Variants in CELF2 observed in about 807,000 individuals in gnomAD.
CELF2 encodes the protein CUG triplet repeat RNA-binding protein 2.
A neutral mutation model predicts 62.6 loss-of-function variants in CELF2; 8 were observed. The ratio of observed to expected loss-of-function variants is 0.13; its 90% CI spans 0.07 to 0.23. The LOEUF is 0.23. Among genes scored for constraint, CELF2 ranks in the 10% least tolerant of loss-of-function variants. CELF2 has a pLI of 1.00. For missense variants in CELF2, 333 were observed against 671.0 expected (o/e 0.50, Z 5.56); for synonymous variants, 258 against 250.0 (o/e 1.03, Z -0.30).
intron 1 of CELF2, among the ~76,000 whole-genome samples, chr10:10,846,772 G>A (rs1367792951): frequency 2.0e-5 from 3 of 152,186 alleles, no homozygotes; most frequent in Non-Finnish European, 4.4e-5. Flanking sequence ...TCTTGAAATC[G>A]AGGTCCATTT....
the CELF2 span, among the ~76,000 whole-genome samples, chr10:10,740,385 C>A: frequency 6.6e-6 from 1 of 152,038 alleles, no homozygotes; most frequent in Non-Finnish European, 1.5e-5. Flanking sequence ...GACTATCCCT[C>A]ACTCAAAAAG....
the CELF2 span, among the ~76,000 whole-genome samples, chr10:10,516,295 T>G: frequency 1.3e-5 from 2 of 152,188 alleles, no homozygotes; most frequent in Non-Finnish European, 2.9e-5. Flanking sequence ...ATTATTTAAA[T>G]CTGAATTCCA....
intron 1 of CELF2, among the ~76,000 whole-genome samples, chr10:11,107,138 T>G (rs2053719093): frequency 6.6e-6 from 1 of 152,228 alleles, no homozygotes; most frequent in African/African-American, 2.4e-5. Context: ...GCTGCCTACC[T>G]AGCTGTCCCC....
chr10:10,694,328 G>T, the CELF2 span, among the ~76,000 whole-genome samples: 5 of 151,208 alleles, frequency 3.3e-5, no homozygotes, highest in Non-Finnish European at 7.4e-5. Context: ...GGTTTTGAGT[G>T]AGATTCTTAA....
intron 1 of CELF2, among the ~76,000 whole-genome samples, chr10:10,882,076 A>G (rs1018509028): frequency 1.3e-5 from 2 of 152,204 alleles, no homozygotes; most frequent in Non-Finnish European, 1.5e-5. Context: ...TGAAAATGCA[A>G]TCGTTACCAT....
At chr10:10,655,624 T>G in the CELF2 span, among the ~76,000 whole-genome samples, 52 of 122,198 alleles carry the variant, frequency 4.3e-4, 6 homozygotes, top group African/African-American at 1.4e-3. Context: ...AATGGGGAAA[T>G]GATTCCCTAT....
the CELF2 span, among the ~76,000 whole-genome samples, chr10:10,675,470 T>C: frequency 1.3e-5 from 2 of 152,258 alleles, no homozygotes; most frequent in South Asian, 4.1e-4. Context: ...TCTGGCATTT[T>C]TGTTGTTTAG....
chr10:10,679,753 T>G, the CELF2 span, among the ~76,000 whole-genome samples: 14 of 152,240 alleles, frequency 9.2e-5, no homozygotes, highest in Non-Finnish European at 1.6e-4. Context: ...CTTTTAAATG[T>G]ATTCAGTAGA....
the CELF2 span, among the ~76,000 whole-genome samples, chr10:10,473,103 T>G: frequency 3.0e-3 from 459 of 152,178 alleles, 3 homozygotes; most frequent in African/African-American, 0.011. Flanking sequence ...TTCCATTGTC[T>G]AACAATGTGA....
chr10:10,835,001 C>G (rs1480650604), intron 1 of CELF2, among the ~76,000 whole-genome samples: 2 of 152,162 alleles, frequency 1.3e-5, no homozygotes, highest in Admixed American at 1.3e-4. Context: ...CTTAATGTCT[C>G]TCACATTTGT....
the CELF2 span, among the ~76,000 whole-genome samples, chr10:10,651,278 G>C: frequency 6.9e-6 from 1 of 145,928 alleles, no homozygotes; most frequent in Non-Finnish European, 1.5e-5. Flanking sequence ...CTGCAAGGCG[G>C]CAGTGAGGCT....
At chr10:10,877,177 G>A (rs1190262361) in intron 1 of CELF2, among the ~76,000 whole-genome samples, 1 of 152,204 alleles carries the variant, frequency 6.6e-6, no homozygotes, top group Non-Finnish European at 1.5e-5. Flanking sequence ...TTAATCATCA[G>A]GGCAGTATGA....
the CELF2 span, among the ~76,000 whole-genome samples, chr10:10,686,304 A>ATG: frequency 2.7e-5 from 1 of 36,538 alleles, no homozygotes; most frequent in Non-Finnish European, 7.3e-5. Context: ...GGGTTTTTGG[A>ATG]TTTTTTGGGG....
At chr10:10,557,323 T>C in the CELF2 span, among the ~76,000 whole-genome samples, 1 of 151,766 alleles carries the variant, frequency 6.6e-6, no homozygotes, top group Non-Finnish European at 1.5e-5. Context: ...TTCTCAGGTT[T>C]CTCAAAGATC....
chr10:11,230,797 G>A (rs576972776), intron 3 of CELF2, among the ~76,000 whole-genome samples: 18 of 152,304 alleles, frequency 1.2e-4, no homozygotes, highest in Admixed American at 3.3e-4. Flanking sequence ...TTTCTGGCCA[G>A]AACAAGCTAA....
the CELF2 span, among the ~76,000 whole-genome samples, chr10:10,712,147 C>CAAAAAA: frequency 0.019 from 819 of 43,390 alleles, 121 homozygotes; most frequent in African/African-American, 0.056. Context: ...AGGATAGAGA[C>CAAAAAA]AAAAAAAAAA....
At chr10:10,665,045 A>C in the CELF2 span, among the ~76,000 whole-genome samples, 1 of 152,186 alleles carries the variant, frequency 6.6e-6, no homozygotes, top group Non-Finnish European at 1.5e-5. Flanking sequence ...TTAATCATGT[A>C]GTGTTGCCTT....
intron 1 of CELF2, among the ~76,000 whole-genome samples, chr10:11,103,236 C>T (rs552831581): frequency 1.6e-4 from 25 of 152,192 alleles, no homozygotes; most frequent in Non-Finnish European, 2.5e-4. Context: ...ACCATGCTTA[C>T]ATCTTTCAAG....
chr10:10,567,270 C>G, the CELF2 span, among the ~76,000 whole-genome samples: 1 of 152,210 alleles, frequency 6.6e-6, no homozygotes, highest in Admixed American at 6.5e-5. Flanking sequence ...ACACTTCCAA[C>G]AAACCGACCA....
Sources: allele counts gnomAD v4.1 joint callset (sites outside exome capture counted in the v4.1 genomes callset), GRCh38; gene constraint gnomAD v4.1.1; transcripts MANE v1.5; gene names NCBI Gene and HGNC (gene_info 2026-07-23, HGNC 2026-07-21).